Variants in SCARA5 observed in about 807,000 individuals in gnomAD.
SCARA5 encodes scavenger receptor class A, member 5 (putative).
Under a neutral mutation model 46.3 loss-of-function variants are expected in SCARA5, and 45 were observed. The ratio of observed to expected loss-of-function variants is 0.97; its 90% CI spans 0.76 to 1.24. The LOEUF is 1.24. Ranked by LOEUF, SCARA5 falls within the 50% of genes most tolerant of loss-of-function variation. The probability of loss-of-function intolerance (pLI) is 0.00; values close to 1 mark genes in which losing one functional copy is unlikely to be tolerated. For missense variants in SCARA5, 680 were observed against 689.0 expected (o/e 0.99, Z 0.15); for synonymous variants, 333 against 306.5 (o/e 1.09, Z -0.90).
chr8:27,914,131 T>G (rs1807423073), intron 4 of SCARA5, among the ~76,000 whole-genome samples: 1 of 152,154 alleles, frequency 6.6e-6, no homozygotes, highest in African/African-American at 2.4e-5. Flanking sequence ...GTCTGATGGT[T>G]TTATAAAGGG....
chr8:27,991,257 T>C (rs915705633), intron 1 of SCARA5, among the ~76,000 whole-genome samples: 2 of 152,192 alleles, frequency 1.3e-5, no homozygotes, highest in Non-Finnish European at 2.9e-5. Context: ...CGTGAGATAA[T>C]GCATGTGGCA....
At chr8:27,938,856 C>A (rs1162427244) in intron 3 of SCARA5, among the ~76,000 whole-genome samples, 1 of 152,120 alleles carries the variant, frequency 6.6e-6, no homozygotes, top group African/African-American at 2.4e-5. Context: ...CATCACTGAG[C>A]CAGCAAACTG....
At chr8:27,922,310 C>A (rs1267739667) in intron 3 of SCARA5, 65 bp from the exon 4 acceptor site, 1 of 1,213,826 alleles carries the variant, frequency 8.2e-7, no homozygotes, top group Non-Finnish European at 1.1e-6. Flanking sequence ...TGACAAGAGG[C>A]GAACCCAGTC....
chr8:27,978,059 C>T (rs1409836251), intron 2 of SCARA5, among the ~76,000 whole-genome samples: 2 of 125,656 alleles, frequency 1.6e-5, no homozygotes, highest in Non-Finnish European at 3.1e-5. Context: ...CGGAGTCTTG[C>T]TCTGTCTCCC....
At chr8:27,983,454 G>A (rs1305718864) in intron 2 of SCARA5, among the ~76,000 whole-genome samples, 2 of 152,318 alleles carry the variant, frequency 1.3e-5, no homozygotes, top group South Asian at 2.1e-4. Context: ...CCAGAAGTGA[G>A]GGGAGTCACT....
At chr8:27,950,390 C>T (rs1232112850) in intron 3 of SCARA5, among the ~76,000 whole-genome samples, 1 of 142,638 alleles carries the variant, frequency 7.0e-6, no homozygotes, top group Non-Finnish European at 1.5e-5. Context: ...AGACCCTTTC[C>T]ACACAGGCCT....
At chr8:27,944,434 T>C (rs1808000273) in intron 3 of SCARA5, among the ~76,000 whole-genome samples, 2 of 152,114 alleles carry the variant, frequency 1.3e-5, no homozygotes, top group South Asian at 4.1e-4. Flanking sequence ...TTAAAAATGG[T>C]AATAACAAAC....
intron 4 of SCARA5, among the ~76,000 whole-genome samples, chr8:27,911,053 T>C (rs1179453741): frequency 6.6e-6 from 1 of 152,184 alleles, no homozygotes; most frequent in African/African-American, 2.4e-5. Flanking sequence ...CAGAATCTTC[T>C]TGCCAGCCAT....
At chr8:27,991,471 A>C (rs1385622534) in intron 1 of SCARA5, among the ~76,000 whole-genome samples, 1 of 152,176 alleles carries the variant, frequency 6.6e-6, no homozygotes, top group African/African-American at 2.4e-5. Flanking sequence ...TCTAGGGCTG[A>C]TATCAGGACC....
intron 7 of SCARA5, among the ~76,000 whole-genome samples, chr8:27,885,323 C>A (rs1585463465): frequency 6.6e-6 from 1 of 152,178 alleles, no homozygotes; most frequent in East Asian, 1.9e-4. Flanking sequence ...CTTTCCTTGT[C>A]TTTTAGATCT....
chr8:27,961,558 C>T (rs367720791), intron 3 of SCARA5, among the ~76,000 whole-genome samples: 11 of 152,288 alleles, frequency 7.2e-5, no homozygotes, highest in East Asian at 3.9e-4. Context: ...ATAGGGAGTA[C>T]GCTGATTTCC....
chr8:27,944,180 A>G (rs2129879485), intron 3 of SCARA5, among the ~76,000 whole-genome samples: 1 of 152,370 alleles, frequency 6.6e-6, no homozygotes, highest in Non-Finnish European at 1.5e-5. Flanking sequence ...TGGAGCCATG[A>G]AAACCACATG....
chr8:27,978,193 A>ATTT (rs34584740), intron 2 of SCARA5, among the ~76,000 whole-genome samples: 31 of 137,964 alleles, frequency 2.2e-4, no homozygotes, highest in Non-Finnish European at 3.3e-4. Flanking sequence ...CATCCGGCTA[A>ATTT]TTTTTTTTTT....
intron 3 of SCARA5, among the ~76,000 whole-genome samples, chr8:27,949,553 T>C (rs754842107): frequency 5.3e-5 from 8 of 152,166 alleles, no homozygotes; most frequent in Admixed American, 2.6e-4. Context: ...TGGGACACTA[T>C]GGATTGAGTA....
chr8:27,931,890 G>C (rs1469760658), intron 3 of SCARA5, among the ~76,000 whole-genome samples: 2 of 152,120 alleles, frequency 1.3e-5, no homozygotes, highest in East Asian at 3.9e-4. Flanking sequence ...CTAACCTTAA[G>C]TGATCCACTC....
chr8:27,874,862 C>T (rs1806697469), intron 8 of SCARA5, among the ~76,000 whole-genome samples: 1 of 152,208 alleles, frequency 6.6e-6, no homozygotes, highest in Non-Finnish European at 1.5e-5. Flanking sequence ...CTTCCGTGGC[C>T]TACCAAGCCT....
chr8:27,985,541 T>C (rs1256492430), intron 2 of SCARA5, among the ~76,000 whole-genome samples: 1 of 152,198 alleles, frequency 6.6e-6, no homozygotes, highest in Non-Finnish European at 1.5e-5. Flanking sequence ...CCTAATTCAA[T>C]GGCCAGGTCC....
intron 4 of SCARA5, among the ~76,000 whole-genome samples, chr8:27,920,131 C>T (rs1281394111): frequency 1.3e-5 from 2 of 151,848 alleles, no homozygotes; most frequent in Non-Finnish European, 2.9e-5. Flanking sequence ...CATTTGTGGG[C>T]CCACAGCACG....
chr8:27,893,313 T>C (rs1355853102), intron 7 of SCARA5, among the ~76,000 whole-genome samples: 1 of 152,154 alleles, frequency 6.6e-6, no homozygotes, highest in Non-Finnish European at 1.5e-5. Context: ...TGTTATTTGT[T>C]AAGCAAGGCA....
Sources: gnomAD v4.1 joint callset for allele counts (sites outside exome capture counted in the v4.1 genomes callset) on GRCh38, gnomAD v4.1.1 for gene constraint, MANE v1.5 for transcripts, NCBI Gene and HGNC (gene_info 2026-07-23, HGNC 2026-07-21) for gene names.